Variants in UBAC2 observed in about 807,000 individuals in gnomAD.
The protein encoded by UBAC2 is ubiquitin-associated domain-containing protein 2.
In UBAC2, 26 loss-of-function variants were observed where a neutral mutation model predicts 44.0. The observed-to-expected ratio is 0.59, with a 90% CI of 0.43 to 0.82. UBAC2 has a LOEUF of 0.82. Among genes scored for constraint, UBAC2 ranks in the 40% least tolerant of loss-of-function variants. The probability of loss-of-function intolerance (pLI) is 0.00; values close to 1 mark genes in which losing one functional copy is unlikely to be tolerated. For missense variants in UBAC2, 329 were observed against 419.4 expected (o/e 0.78, Z 1.88); for synonymous variants, 155 against 154.3 (o/e 1.00, Z -0.04).
chr13:99,346,436 G>T (rs1270619803), intron 7 of UBAC2, among the ~76,000 whole-genome samples: 1 of 152,174 alleles, frequency 6.6e-6, no homozygotes, highest in Non-Finnish European at 1.5e-5. Flanking sequence ...CCAACACAAG[G>T]CTCCTGCCTG....
At chr13:99,270,940 CAT>C (rs2043807500) in intron 4 of UBAC2, among the ~76,000 whole-genome samples, 1 of 152,174 alleles carries the variant, frequency 6.6e-6, no homozygotes, top group African/African-American at 2.4e-5. Flanking sequence ...AATTCTACCT[CAT>C]ATTTTACAAG....
intron 4 of UBAC2, among the ~76,000 whole-genome samples, chr13:99,296,766 AGAC>A (rs957316239): frequency 2.6e-5 from 4 of 152,332 alleles, no homozygotes; most frequent in Middle Eastern, 6.8e-3. Flanking sequence ...AAAAAGAAGA[AGAC>A]GACGACCGCA....
chr13:99,316,571 C>T (rs1017431921), intron 5 of UBAC2, among the ~76,000 whole-genome samples: 3 of 152,172 alleles, frequency 2.0e-5, no homozygotes, highest in Non-Finnish European at 4.4e-5. Context: ...CCATCCAATA[C>T]TTAAATCAGT....
At chr13:99,244,791 C>G (rs2043361730) in intron 4 of UBAC2, among the ~76,000 whole-genome samples, 167 bp downstream of exon 4, 1 of 149,784 alleles carries the variant, frequency 6.7e-6, no homozygotes, top group Admixed American at 6.7e-5. Context: ...TTATTATGTT[C>G]TTGAAATAGA....
intron 4 of UBAC2, among the ~76,000 whole-genome samples, chr13:99,282,111 G>T (rs890004735): frequency 1.3e-5 from 2 of 152,188 alleles, no homozygotes; most frequent in African/African-American, 2.4e-5. Flanking sequence ...CTGCAGGGTG[G>T]CTGGCAGCAT....
intron 8 of UBAC2, among the ~76,000 whole-genome samples, chr13:99,379,233 T>C (rs1213486137): frequency 1.3e-5 from 2 of 152,246 alleles, no homozygotes; most frequent in African/African-American, 4.8e-5. Context: ...CCCAGCAAAG[T>C]TGTTCTGCCC....
In UBAC2 at chr13:99,337,884, G is replaced by A. The variant is rs1347954483; in HGVS notation, c.562-2436G>A. Among the ~76,000 whole-genome samples, 5 of 151,670 alleles carry A rather than the reference G, an allele frequency of 3.3e-5. No individual in the cohort carries two copies. In the East Asian group the frequency reaches 9.6e-4, roughly 29 times the overall value. ...CTCTACTTCTCTCCTCCTTCCACAG[G>A]GCCTAGACCCTCTAGTCCAGGGGTA... is the stretch of plus-strand genomic sequence containing the variant. On this transcript the variant is annotated intron_variant, in intron 6 of 8. Coordinates refer to ENST00000403766, the MANE Select transcript of UBAC2 (RefSeq NM_001144072.2).
intron 7 of UBAC2, among the ~76,000 whole-genome samples, chr13:99,355,765 A>G (rs1328308528): frequency 6.6e-6 from 1 of 152,176 alleles, no homozygotes; most frequent in African/African-American, 2.4e-5. Flanking sequence ...GCTTGGTGCC[A>G]CAAGCCCCCC....
intron 4 of UBAC2, among the ~76,000 whole-genome samples, chr13:99,272,263 T>A (rs971712914): frequency 1.3e-5 from 2 of 152,228 alleles, no homozygotes; most frequent in Non-Finnish European, 2.9e-5. Flanking sequence ...GTTTCTGATA[T>A]CTGGGTTCAT....
intron 1 of UBAC2, among the ~76,000 whole-genome samples, chr13:99,234,729 A>G (rs779382672): frequency 4.6e-5 from 7 of 152,154 alleles, no homozygotes; most frequent in Non-Finnish European, 8.8e-5. Flanking sequence ...GCTTGTTTTC[A>G]GGATCTATGA....
Position 99,314,184 on chromosome 13 carries a change from C to T in UBAC2, c.477C>T (p.Ile159=). ...QVAQILGPLS[I]TNKTLIYILG... Reference sequence around the variant, plus strand: ...CACAAATTCTGGGTCCGTTGTCCATCACAAACAAGACATTGATTTATATAT... The same window carrying T: ...CACAAATTCTGGGTCCGTTGTCCATTACAAACAAGACATTGATTTATATAT... The change falls in exon 5 of 9, where the codon ATC becomes ATT. Residue 159 remains isoleucine (I), a synonymous_variant. Transcript: ENST00000403766. The T allele has an allele frequency of 6.2e-7, 1 of 1,610,782 alleles. No homozygotes were observed. The highest frequency in any genetic ancestry group is 8.5e-7 in the Non-Finnish European group (1 of 1,178,286).
At chr13:99,312,357 A>G (rs2044423313) in intron 4 of UBAC2, among the ~76,000 whole-genome samples, 1 of 152,228 alleles carries the variant, frequency 6.6e-6, no homozygotes, top group East Asian at 1.9e-4. Context: ...AAGTGGGAAA[A>G]TAAAACACAG....
At chr13:99,201,942 G>A (rs1018363318) in intron 1 of UBAC2, among the ~76,000 whole-genome samples, 2 of 151,934 alleles carry the variant, frequency 1.3e-5, no homozygotes, top group Non-Finnish European at 2.9e-5. Context: ...GCGTGGTGGC[G>A]GGTGCCTGTA....
chr13:99,366,267 T>C (rs1332277983), intron 7 of UBAC2, among the ~76,000 whole-genome samples: 1 of 152,232 alleles, frequency 6.6e-6, no homozygotes, highest in Admixed American at 6.5e-5. Flanking sequence ...TTCAGGTCCT[T>C]GGGGACCCAG....
intron 4 of UBAC2, chr13:99,255,457 A>T: frequency 6.2e-7 from 1 of 1,614,098 alleles, no homozygotes; most frequent in South Asian, 1.1e-5. Flanking sequence ...ACACGCCAGC[A>T]CGGCTTTGCA....
intron 5 of UBAC2, 146 bp from the exon 6 acceptor site, chr13:99,317,876 A>G: frequency 3.6e-6 from 2 of 554,048 alleles, no homozygotes; most frequent in South Asian, 3.2e-5. Flanking sequence ...GTTGATATTT[A>G]CTAATTTTCC....
intron 8 of UBAC2, among the ~76,000 whole-genome samples, chr13:99,373,398 A>G (rs1218270903): frequency 6.6e-6 from 1 of 152,238 alleles, no homozygotes; most frequent in Non-Finnish European, 1.5e-5. Flanking sequence ...GGATTTAACA[A>G]AAGGAAGATG....
intron 1 of UBAC2, among the ~76,000 whole-genome samples, chr13:99,235,139 CAG>C (rs2043218943): frequency 6.6e-6 from 1 of 152,278 alleles, no homozygotes; most frequent in Admixed American, 6.5e-5. Flanking sequence ...TGGAAAATCT[CAG>C]GGGGCCACTA....
chr13:99,360,884 G>A (rs962192894), intron 7 of UBAC2, among the ~76,000 whole-genome samples: 3 of 152,124 alleles, frequency 2.0e-5, no homozygotes, highest in African/African-American at 7.2e-5. Context: ...GAGATGGGGC[G>A]CTCTTCGGGA....
Sources: allele counts gnomAD v4.1 joint callset (sites outside exome capture counted in the v4.1 genomes callset), GRCh38; gene constraint gnomAD v4.1.1; transcripts MANE v1.5; gene names NCBI Gene and HGNC (gene_info 2026-07-23, HGNC 2026-07-21).